Variants in TASP1 observed in about 807,000 individuals in gnomAD.
The protein encoded by TASP1 is threonine aspartase 1.
In TASP1, 16 loss-of-function variants were observed where a neutral mutation model predicts 56.6. That is an observed-to-expected ratio of 0.28 (90% confidence interval 0.19 to 0.43). The LOEUF (loss-of-function observed/expected upper bound fraction) is 0.43. Among genes scored for constraint, TASP1 ranks in the 20% least tolerant of loss-of-function variants. The pLI, the probability that TASP1 is intolerant of heterozygous loss-of-function variation, is 1.00. For missense variants in TASP1, 393 were observed against 511.6 expected, an observed-to-expected ratio of 0.77 and a Z score of 2.24; for synonymous variants, 179 against 184.2, an observed-to-expected ratio of 0.97 and a Z score of 0.23.
chr20:13,153,179 C>CA, the TASP1 span, among the ~76,000 whole-genome samples: 1 of 152,196 alleles, frequency 6.6e-6, no homozygotes, highest in African/African-American at 2.4e-5. Flanking sequence ...CTTACTTACC[C>CA]ACCTGTTTTG....
chr20:13,291,224 C>G, the TASP1 span, among the ~76,000 whole-genome samples: 1 of 152,276 alleles, frequency 6.6e-6, no homozygotes, highest in South Asian at 2.1e-4. Context: ...CTCGTGTGTC[C>G]TCACCCTCCT....
chr20:13,400,534 T>C (rs957065481), intron 13 of TASP1, among the ~76,000 whole-genome samples: 1 of 152,208 alleles, frequency 6.6e-6, no homozygotes, highest in Non-Finnish European at 1.5e-5. Context: ...TTCCAAGTAC[T>C]CTGAGCATCT....
At chr20:13,285,286 G>A in the TASP1 span, among the ~76,000 whole-genome samples, 2 of 150,952 alleles carry the variant, frequency 1.3e-5, no homozygotes, top group Non-Finnish European at 2.9e-5. Context: ...GTGAAACCTC[G>A]AAACAGCTTA....
chr20:13,501,290 C>T (rs1195692640), intron 10 of TASP1, among the ~76,000 whole-genome samples: 2 of 151,872 alleles, frequency 1.3e-5, no homozygotes, highest in Non-Finnish European at 2.9e-5. Context: ...AAGAAAGCAT[C>T]AGAAAGTGGA....
intron 10 of TASP1, among the ~76,000 whole-genome samples, chr20:13,501,697 C>T (rs1474503421): frequency 1.3e-5 from 2 of 151,918 alleles, no homozygotes; most frequent in Non-Finnish European, 2.9e-5. Context: ...GGACTAAATA[C>T]TCCATGTAAA....
the TASP1 span, among the ~76,000 whole-genome samples, chr20:13,128,067 A>C: frequency 6.6e-6 from 1 of 152,262 alleles, no homozygotes; most frequent in Non-Finnish European, 1.5e-5. Flanking sequence ...TGAAGTGAGA[A>C]AAACAATATT....
At chr20:13,321,223 T>C in the TASP1 span, among the ~76,000 whole-genome samples, 1 of 130,056 alleles carries the variant, frequency 7.7e-6, no homozygotes, top group Non-Finnish European at 1.6e-5. Flanking sequence ...AAAGAGATCG[T>C]CTTTATCTAG....
At chr20:13,209,982 T>C in the TASP1 span, among the ~76,000 whole-genome samples, 2 of 152,182 alleles carry the variant, frequency 1.3e-5, no homozygotes, top group African/African-American at 4.8e-5. Flanking sequence ...TGAAGGAAAG[T>C]TTCCTTGCAA....
At chr20:13,570,441 A>G (rs2046673853) in intron 6 of TASP1, among the ~76,000 whole-genome samples, 1 of 152,030 alleles carries the variant, frequency 6.6e-6, no homozygotes, top group Non-Finnish European at 1.5e-5. Context: ...TGTTATTTTA[A>G]TCATTCCAAC....
At chr20:13,367,474 TTGA>T in the TASP1 span, among the ~76,000 whole-genome samples, 3 of 152,206 alleles carry the variant, frequency 2.0e-5, no homozygotes, top group Admixed American at 6.5e-5. Context: ...TTTTCATGCC[TTGA>T]TGAATTGCGA....
chr20:13,574,004 T>C (rs1315619418), intron 6 of TASP1, among the ~76,000 whole-genome samples: 1 of 151,944 alleles, frequency 6.6e-6, no homozygotes, highest in Non-Finnish European at 1.5e-5. Flanking sequence ...AAGCTGCATA[T>C]AGAGAGTACG....
At chr20:13,613,585 T>G (rs1401501612) in intron 4 of TASP1, among the ~76,000 whole-genome samples, 2 of 152,100 alleles carry the variant, frequency 1.3e-5, no homozygotes, top group Non-Finnish European at 1.5e-5. Context: ...ATGAGATTAT[T>G]TCTGTAGTGA....
In TASP1 at chr20:13,446,772, CA is replaced by C. The variant is rs201857380; in HGVS notation, c.986-11619del. Among the ~76,000 whole-genome samples, 115 of 152,260 alleles carry C rather than the reference CA, an allele frequency of 7.6e-4. 5 individuals carry two copies. In the East Asian group the frequency reaches 0.021, roughly 28 times the overall value. Reference sequence around the variant, plus strand: ...CTGGGCATTTTTAAAACTTTTCATTCAATAGATCATGTCATATAAACTATTC... The same window carrying C: ...CTGGGCATTTTTAAAACTTTTCATTCATAGATCATGTCATATAAACTATTC... On this transcript the variant is annotated intron_variant, in intron 11 of 13. Transcript: ENST00000337743.
At chr20:13,569,651 T>C (rs2046649048) in intron 6 of TASP1, 65 bp from the exon 7 acceptor site, 2 of 1,378,078 alleles carry the variant, frequency 1.5e-6, no homozygotes, top group South Asian at 1.2e-5. Flanking sequence ...TCAATAAATA[T>C]AGGTAATATG....
At chr20:13,514,477 T>C (rs2044449612) in intron 10 of TASP1, among the ~76,000 whole-genome samples, 1 of 152,110 alleles carries the variant, frequency 6.6e-6, no homozygotes, top group African/African-American at 2.4e-5. Flanking sequence ...GTGTCCCAAT[T>C]CTGGGATGGA....
At chr20:13,281,535 G>A in the TASP1 span, among the ~76,000 whole-genome samples, 1 of 152,322 alleles carries the variant, frequency 6.6e-6, no homozygotes, top group African/African-American at 2.4e-5. Context: ...GAAAACTAAA[G>A]CCTGGAAAAC....
At chr20:13,562,259 C>A (rs922802132) in intron 7 of TASP1, among the ~76,000 whole-genome samples, 1 of 151,836 alleles carries the variant, frequency 6.6e-6, no homozygotes, top group African/African-American at 2.4e-5. Context: ...ACATCAAAAG[C>A]CTTATGAAGG....
chr20:13,247,523 T>G, the TASP1 span, among the ~76,000 whole-genome samples: 7 of 113,940 alleles, frequency 6.1e-5, no homozygotes, highest in South Asian at 3.1e-4. Flanking sequence ...GAGGGGTGTG[T>G]GTGTGTGTGT....
At position 13,442,066 on chromosome 20, in the gene TASP1, C is replaced by A. The variant is rs1600809505; in HGVS notation, c.986-6912G>T. 2.0e-5 allele frequency among the ~76,000 whole-genome samples: 3 copies of A among 152,232 alleles called. No individual in the cohort carries two copies. The South Asian group carries it at 6.2e-4, about 32-fold the overall frequency. ...TTTATTTTACACATCATTTGTACTT[C>A]CCAAACTCCACTCCCCTAAGATTTC... On this transcript the variant is annotated intron_variant, in intron 11 of 13. Transcript: ENST00000337743.
Sources: gnomAD v4.1 joint callset for allele counts (sites outside exome capture counted in the v4.1 genomes callset) on GRCh38, gnomAD v4.1.1 for gene constraint, MANE v1.5 for transcripts, NCBI Gene and HGNC (gene_info 2026-07-23, HGNC 2026-07-21) for gene names.